Variants in NRXN3 observed in about 807,000 individuals in gnomAD.
NRXN3 encodes neurexin 3.
NRXN3 carries 32 observed loss-of-function variants against 137.6 expected under a neutral mutation model. That is an observed-to-expected ratio of 0.23 (90% CI 0.18 to 0.31). The LOEUF (loss-of-function observed/expected upper bound fraction) is 0.31, where lower values mean the gene tolerates loss of function less well. Ranked by LOEUF, NRXN3 falls within the 10% of genes least tolerant of loss-of-function variation. The pLI, the probability that NRXN3 is intolerant of heterozygous loss-of-function variation, is 1.00. For missense variants in NRXN3, 1,574 were observed against 2,062.5 expected (o/e 0.76, Z 4.59); for synonymous variants, 798 against 784.5 (o/e 1.02, Z -0.29).
intron 4 of NRXN3, among the ~76,000 whole-genome samples, chr14:78,524,585 C>T (rs1281953102): frequency 1.3e-5 from 2 of 152,090 alleles, no homozygotes; most frequent in Admixed American, 1.3e-4. Flanking sequence ...ACAACTTCCC[C>T]AGGCGATTTT....
chr14:79,033,351 C>T (rs1370767573), intron 15 of NRXN3, among the ~76,000 whole-genome samples: 1 of 152,088 alleles, frequency 6.6e-6, no homozygotes, highest in Non-Finnish European at 1.5e-5. Flanking sequence ...TGGCACAGTA[C>T]CTGGTTCATT....
intron 1 of NRXN3, among the ~76,000 whole-genome samples, chr14:78,227,884 C>T (rs1389180414): frequency 2.0e-5 from 3 of 152,130 alleles, no homozygotes; most frequent in Non-Finnish European, 2.9e-5. Flanking sequence ...CTCTAGGAGG[C>T]GAGCGTGGGC....
chr14:79,377,155 G>T (rs1449987113), intron 15 of NRXN3, among the ~76,000 whole-genome samples: 1 of 152,184 alleles, frequency 6.6e-6, no homozygotes. Context: ...CTTAAGAAGA[G>T]ATAGGAACAT....
At chr14:78,321,852 G>A (rs543609468) in intron 4 of NRXN3, among the ~76,000 whole-genome samples, 3 of 152,158 alleles carry the variant, frequency 2.0e-5, no homozygotes, top group Admixed American at 2.0e-4. Context: ...TCTGTTGTGT[G>A]CTGGGCGTCG....
At chr14:78,392,646 G>T (rs2090925296) in intron 4 of NRXN3, among the ~76,000 whole-genome samples, 5 of 152,090 alleles carry the variant, frequency 3.3e-5, no homozygotes, top group African/African-American at 1.2e-4. Context: ...TTAGTGAGAT[G>T]ATATAAATCA....
At chr14:79,769,598 T>A (rs941675088) in intron 19 of NRXN3, among the ~76,000 whole-genome samples, 1 of 151,988 alleles carries the variant, frequency 6.6e-6, no homozygotes, top group African/African-American at 2.4e-5. Context: ...CCACCAGGCC[T>A]GCCCTATAAG....
At chr14:78,956,611 G>T (rs1270099895) in intron 10 of NRXN3, among the ~76,000 whole-genome samples, 1 of 152,144 alleles carries the variant, frequency 6.6e-6, no homozygotes, top group African/African-American at 2.4e-5. Context: ...TGAACAATGG[G>T]AAAATTCTGG....
At chr14:79,805,685 T>C (rs1020867506) in intron 20 of NRXN3, among the ~76,000 whole-genome samples, 2 of 151,562 alleles carry the variant, frequency 1.3e-5, no homozygotes, top group African/African-American at 4.9e-5. Flanking sequence ...AAAATATATG[T>C]ATATATATAT....
chr14:79,321,822 TAATA>T (rs1224025417), intron 15 of NRXN3, among the ~76,000 whole-genome samples: 1 of 148,878 alleles, frequency 6.7e-6, no homozygotes, highest in African/African-American at 2.4e-5. Context: ...TACTACATAT[TAATA>T]AATGATCAAC....
intron 8 of NRXN3, among the ~76,000 whole-genome samples, chr14:78,738,088 C>G (rs2098548875): frequency 6.6e-6 from 1 of 152,194 alleles, no homozygotes; most frequent in South Asian, 2.1e-4. Flanking sequence ...GTTACCACCA[C>G]AGCAGTAACA....
intron 5 of NRXN3, among the ~76,000 whole-genome samples, chr14:78,647,609 T>C (rs2097700080): frequency 1.3e-5 from 2 of 152,168 alleles, no homozygotes; most frequent in Non-Finnish European, 2.9e-5. Context: ...CCCTACAGTA[T>C]TGGGGGTATT....
intron 6 of NRXN3, among the ~76,000 whole-genome samples, chr14:78,668,918 C>CTCCA (rs2097910403): frequency 6.7e-6 from 1 of 149,602 alleles, no homozygotes; most frequent in African/African-American, 2.5e-5. Flanking sequence ...ACATATTAAA[C>CTCCA]TCTATCTATC....
At chr14:79,443,364 C>T (rs1202779768) in intron 15 of NRXN3, among the ~76,000 whole-genome samples, 2 of 151,996 alleles carry the variant, frequency 1.3e-5, no homozygotes, top group Admixed American at 6.6e-5. Context: ...GTCTTTGGCA[C>T]CTCTATTAGA....
chr14:78,426,757 A>G (rs566170762), intron 4 of NRXN3, among the ~76,000 whole-genome samples: 1 of 152,246 alleles, frequency 6.6e-6, no homozygotes, highest in Admixed American at 6.5e-5. Context: ...CTTCAGGGGA[A>G]GGTCAGAAAA....
intron 10 of NRXN3, among the ~76,000 whole-genome samples, chr14:78,876,901 A>G (rs1265955098): frequency 1.3e-5 from 2 of 152,190 alleles, no homozygotes; most frequent in African/African-American, 2.4e-5. Context: ...CAGGCGAGCT[A>G]TATTGTAAAA....
At chr14:79,237,766 G>T (rs115945550) in intron 15 of NRXN3, among the ~76,000 whole-genome samples, 2,704 of 152,216 alleles carry the variant, frequency 0.018, 91 homozygotes, top group African/African-American at 0.062. Context: ...AATAGTATGA[G>T]ATTTGAATTA....
At chr14:79,235,897 G>A (rs2073274508) in intron 15 of NRXN3, among the ~76,000 whole-genome samples, 1 of 152,032 alleles carries the variant, frequency 6.6e-6, no homozygotes, top group African/African-American at 2.4e-5. Context: ...AAGATCATTT[G>A]AAATTCAGTA....
At position 79,794,749 on chromosome 14, in the gene NRXN3, T is replaced by C. The variant is rs565266551; in HGVS notation, c.4015-10363T>C. Among the ~76,000 whole-genome samples the C allele has an allele frequency of 9.2e-5, 14 of 152,228 alleles. No homozygotes were observed. In the South Asian group the frequency reaches 2.9e-3, roughly 32 times the overall value. ...AGTACCAACCTCCCAAGGAGAAACA[T>C]TGGGGGATAAATTCAAATAAAGCTG... On this transcript the variant is annotated intron_variant, in intron 19 of 20. Coordinates refer to ENST00000335750, the MANE Select transcript of NRXN3 (RefSeq NM_001330195.2).
At chr14:78,635,711 C>A (rs1206912379) in intron 4 of NRXN3, among the ~76,000 whole-genome samples, 3 of 151,974 alleles carry the variant, frequency 2.0e-5, no homozygotes, top group Non-Finnish European at 4.4e-5. Flanking sequence ...TTTGATGATT[C>A]TTTTTGGTCT....
Sources: gnomAD v4.1 joint callset for allele counts (sites outside exome capture counted in the v4.1 genomes callset) on GRCh38, gnomAD v4.1.1 for gene constraint, MANE v1.5 for transcripts, NCBI Gene and HGNC (gene_info 2026-07-23, HGNC 2026-07-21) for gene names.